FAM83A: variants seen among roughly 807,000 people sequenced by gnomAD.
FAM83A encodes scaffolding CK1 anchoring protein A.
A neutral mutation model predicts 24.4 loss-of-function variants in FAM83A; 21 were observed. The ratio of observed to expected loss-of-function variants is 0.86; its 90% CI spans 0.61 to 1.24. FAM83A has a LOEUF of 1.24. FAM83A is among the 50% of genes most tolerant of loss of function. FAM83A has a pLI of 0.00. For synonymous variants in FAM83A, 270 were observed against 252.4 expected (o/e 1.07, Z -0.66); for missense variants, 617 against 579.8 (o/e 1.06, Z -0.66).
chr8:123,188,974 C>T (rs1014117514), intron 1 of FAM83A, among the ~76,000 whole-genome samples: 2 of 152,168 alleles, frequency 1.3e-5, no homozygotes, highest in East Asian at 3.9e-4. Context: ...TCTGTTCAAT[C>T]ACCAGCTCAC....
Position 123,209,700 on chromosome 8 carries a change from GGGGAGAA to G in FAM83A, c.*2013_*2019del. 1 of 799,612 alleles carries G rather than the reference GGGGAGAA, an allele frequency of 1.3e-6. No homozygotes were observed. The highest frequency in any genetic ancestry group is 2.7e-5 in the East Asian group (1 of 37,278). The allele number at this position is 799,612 out of a possible 1,614,324, so 49.5% of individuals were successfully genotyped here. ...GTGTCGAGCTCAGTCCTGGGAGATA[GGGGAGAA>G]CCTGCAGGCAGGAACAAGCCCCCCT... On this transcript the variant is annotated 3_prime_UTR_variant, in exon 4 of 4. Coordinates refer to ENST00000690554, the Ensembl canonical transcript of FAM83A. The surrounding 1 kb of genome is among the most constrained non-coding windows in gnomAD (Gnocchi z 4.7).
In FAM83A at chr8:123,209,387, A is replaced by ATT; in HGVS notation, c.*1699_*1700insTT. 1 of 1,539,320 alleles carries ATT rather than the reference A, an allele frequency of 6.5e-7. No individual in the cohort carries two copies. The highest frequency in any genetic ancestry group is 1.4e-5 in the African/African-American group (1 of 71,124). On this transcript the variant is annotated 3_prime_UTR_variant, in exon 4 of 4. Coordinates refer to ENST00000690554, the Ensembl canonical transcript of FAM83A. The surrounding 1 kb of genome is among the most constrained non-coding windows in gnomAD (Gnocchi z 4.7). The stretch of plus-strand genomic sequence containing the variant: ...TTCTTTTATTATTATTATTATTATT[A>ATT]ATTATTGTATTCCTGTCCTTCACTT...
At chr8:123,196,031 A>T (rs1824139185) in intron 3 of FAM83A, among the ~76,000 whole-genome samples, 1 of 152,224 alleles carries the variant, frequency 6.6e-6, no homozygotes, top group Admixed American at 6.5e-5. Flanking sequence ...TGTTTTTTTG[A>T]GACGGAGTCT....
Position 123,200,962 on chromosome 8 carries a change from A to AT in FAM83A, c.774-6195_774-6194insT, listed in dbSNP as rs1376845493. On this transcript the variant is annotated intron_variant, in intron 3 of 3. Coordinates refer to ENST00000690554, the Ensembl canonical transcript of FAM83A. ...CTCTGTCTCAAACAAATAAACAAAA[A>AT]AAAAAAATATATATATATATATACA... Among the ~76,000 whole-genome samples the AT allele has an allele frequency of 9.8e-3, 1,388 of 141,184 alleles. 36 individuals are homozygous for AT. Among genetic ancestry groups the AT allele is most frequent in the African/African-American group, 0.035 (1,329 of 37,906 alleles). 92.6% of individuals were successfully genotyped at this position (141,184 alleles called of 152,430 possible).
chr8:123,192,967 G>C (rs1039790478), intron 2 of FAM83A: 1 of 152,388 alleles, frequency 6.6e-6, no homozygotes, highest in Admixed American at 6.5e-5. Context: ...CAGAGCTATG[G>C]AGAAGCCCAG....
intron 3 of FAM83A, among the ~76,000 whole-genome samples, chr8:123,203,154 G>T (rs950908746): frequency 4.6e-5 from 7 of 150,954 alleles, no homozygotes; most frequent in African/African-American, 1.7e-4. Context: ...TAGTTGAAAA[G>T]AATTTGAATG....
chr8:123,206,135 T>G (rs1451562362), intron 3 of FAM83A, among the ~76,000 whole-genome samples: 1 of 140,512 alleles, frequency 7.1e-6, no homozygotes, highest in Non-Finnish European at 1.5e-5. Flanking sequence ...AGAGTAAGAC[T>G]CTCAAAAAAA....
At chr8:123,187,631 T>C (rs1823849348) in intron 1 of FAM83A, among the ~76,000 whole-genome samples, 1 of 152,206 alleles carries the variant, frequency 6.6e-6, no homozygotes, top group Non-Finnish European at 1.5e-5. Context: ...TATTCAGTTT[T>C]AGTTTCTAAT....
At chr8:123,193,898 C>T (rs949025274) in intron 2 of FAM83A, 126 bp from the exon 3 acceptor site, 142 of 1,214,686 alleles carry the variant, frequency 1.2e-4, no homozygotes, top group South Asian at 3.0e-5. Flanking sequence ...CTTCTAGTAC[C>T]GTCACCCTGG....
At chr8:123,206,512 A>C (rs1188744002) in intron 3 of FAM83A, among the ~76,000 whole-genome samples, 1 of 152,138 alleles carries the variant, frequency 6.6e-6, no homozygotes, top group East Asian at 1.9e-4. Context: ...GGCCCTCCAC[A>C]TTCCACAGGT....
chr8:123,186,463 G>A (rs1321399833), intron 1 of FAM83A, among the ~76,000 whole-genome samples: 1 of 152,220 alleles, frequency 6.6e-6, no homozygotes, highest in African/African-American at 2.4e-5. Flanking sequence ...GTCCCAGCAT[G>A]AGAGATGTTT....
chr8:123,191,915 T>G, exon 2 of FAM83A: 1 of 1,614,102 alleles, frequency 6.2e-7, no homozygotes. Context: ...CAGGGAGGTG[T>G]GAAGCTCTTC....
intron 2 of FAM83A, among the ~76,000 whole-genome samples, chr8:123,192,660 G>T (rs543471858): frequency 5.3e-5 from 8 of 152,236 alleles, no homozygotes; most frequent in Non-Finnish European, 1.2e-4. Flanking sequence ...TCTAGTTCAG[G>T]CAAGAGAGGT....
intron 3 of FAM83A, among the ~76,000 whole-genome samples, chr8:123,200,957 CAAAAAAAAAA>C (rs11322028): frequency 3.1e-5 from 4 of 127,304 alleles, no homozygotes; most frequent in Admixed American, 7.7e-5. Context: ...AACAAATAAA[CAAAAAAAAAA>C]AATATATATA....
In FAM83A at chr8:123,207,162, C is replaced by CCTGG. The variant is rs755408870; in HGVS notation, c.782_785dup (p.Cys263AlafsTer22). On this transcript the variant is annotated frameshift_variant, in exon 4 of 4. Coordinates refer to ENST00000690554, the Ensembl canonical transcript of FAM83A. LOFTEE classifies it low-confidence loss of function (END_TRUNC). ...TCTCTCCTCTTCCCCTCCAGCTTCA[C>CCTGG]CTGGCTCTGCGGACACGTGCACCGG... 1.4e-6 allele frequency: 2 copies of CCTGG among 1,449,474 alleles called. No homozygotes were observed. The highest frequency in any genetic ancestry group is 2.9e-5 in the African/African-American group (2 of 69,132). 89.8% of individuals were successfully genotyped at this position (1,449,474 alleles called of 1,614,324 possible).
intron 3 of FAM83A, among the ~76,000 whole-genome samples, chr8:123,204,152 C>T (rs1824460610): frequency 6.6e-6 from 1 of 151,902 alleles, no homozygotes; most frequent in Non-Finnish European, 1.5e-5. Context: ...GTGGCTCATG[C>T]CTGTAATCTC....
intron 3 of FAM83A, 59 bp from the exon 4 acceptor site, chr8:123,207,098 C>A: frequency 2.4e-6 from 2 of 830,676 alleles, no homozygotes; most frequent in Non-Finnish European, 3.3e-6. Flanking sequence ...TCCTCCTCCA[C>A]TTCCCCTCCC....
chr8:123,209,108 G>A lies in FAM83A; in HGVS notation c.*1420G>A. ...AGTGGGGTCAGTGGTATGTGATCCA[G>A]GCTGGGGAGCCAGAGGGGAGCAGGT... On this transcript the variant is annotated 3_prime_UTR_variant, in exon 4 of 4. Transcript: ENST00000690554. The surrounding 1 kb of genome is among the most constrained non-coding windows in gnomAD (Gnocchi z 4.7). 1 of 1,040,204 alleles carries A rather than the reference G, an allele frequency of 9.6e-7. No homozygotes were observed. Among genetic ancestry groups the A allele is most frequent in the Non-Finnish European group, 1.2e-6 (1 of 866,198 alleles). The allele number at this position is 1,040,204 out of a possible 1,614,324, so 64.4% of individuals were successfully genotyped here.
intron 1 of FAM83A, among the ~76,000 whole-genome samples, chr8:123,184,356 C>G (rs183679097): frequency 1.3e-3 from 195 of 152,238 alleles, no homozygotes; most frequent in African/African-American, 3.7e-3. Context: ...CCCTTCTCCT[C>G]TCAGACTCTG....
Sources: gnomAD v4.1 joint callset for allele counts (sites outside exome capture counted in the v4.1 genomes callset) on GRCh38, gnomAD v4.1.1 for gene constraint, Gnocchi (gnomAD v3.1) non-coding constraint, MANE v1.5 for transcripts, NCBI Gene and HGNC (gene_info 2026-07-23, HGNC 2026-07-21) for gene names.